The following CCDC30 variants were observed in gnomAD, a reference collection of about 807,000 sequenced individuals.
CCDC30 encodes the protein coiled-coil domain containing 30.
Under a neutral mutation model 100.2 loss-of-function variants are expected in CCDC30, and 70 were observed. The observed-to-expected ratio is 0.70, with a 90% CI of 0.58 to 0.85. The LOEUF is 0.85. Ranked by LOEUF, CCDC30 falls within the 40% of genes least tolerant of loss-of-function variation. The pLI, the probability that CCDC30 is intolerant of heterozygous loss-of-function variation, is 0.00. For missense variants in CCDC30, 652 were observed against 771.2 expected (o/e 0.85, Z 1.83); for synonymous variants, 233 against 269.5 (o/e 0.86, Z 1.33).
intron 6 of CCDC30, among the ~76,000 whole-genome samples, chr1:42,501,523 G>T (rs796460515): frequency 9.8e-5 from 15 of 152,360 alleles, no homozygotes; most frequent in African/African-American, 2.4e-4. Flanking sequence ...TGGAGGAGAA[G>T]AGGTGCTCTG....
At chr1:42,593,748 A>T (rs1001155078) in intron 10 of CCDC30, 1 of 152,554 alleles carries the variant, frequency 6.6e-6, no homozygotes, top group African/African-American at 2.4e-5. Flanking sequence ...GCGTGCCAGG[A>T]AATAGGACAA....
chr1:42,614,400 T>G (rs1043811090), intron 11 of CCDC30, among the ~76,000 whole-genome samples: 1 of 151,950 alleles, frequency 6.6e-6, no homozygotes, highest in Non-Finnish European at 1.5e-5. Context: ...AATTGAGATA[T>G]AATTTGCGTA....
In CCDC30 at chr1:42,653,964, TAA is replaced by T; in HGVS notation, c.2071_2072del (p.Asn691CysfsTer?). 1.2e-6 allele frequency: 2 copies of T among 1,614,118 alleles called. No individual in the cohort carries two copies. The highest frequency in any genetic ancestry group is 8.5e-7 in the Non-Finnish European group (1 of 1,179,976). On this transcript the variant is annotated frameshift_variant, in exon 17 of 17. Coordinates refer to ENST00000668663, the Ensembl canonical transcript of CCDC30. LOFTEE classifies it low-confidence loss of function (END_TRUNC). Reference sequence around the variant, plus strand: ...TCACAGAATTCTGAGGCTGGATACATAAATGTGGCTTCTCTGAAGGAGACACA... The same window carrying T: ...TCACAGAATTCTGAGGCTGGATACATATGTGGCTTCTCTGAAGGAGACACA...
chr1:42,620,564 G>A (rs1234742967), intron 11 of CCDC30, among the ~76,000 whole-genome samples: 1 of 149,570 alleles, frequency 6.7e-6, no homozygotes. Context: ...TTCAAAGTAT[G>A]TGGGACAATA....
chr1:42,474,600 ATTCAGTTAT>A (rs1643862622), intron 1 of CCDC30, among the ~76,000 whole-genome samples: 1 of 152,138 alleles, frequency 6.6e-6, no homozygotes, highest in Non-Finnish European at 1.5e-5. Flanking sequence ...CCAAAATGCA[ATTCAGTTAT>A]TTCGGTAGTC....
intron 15 of CCDC30, among the ~76,000 whole-genome samples, chr1:42,648,178 G>A (rs1197486146): frequency 6.6e-6 from 1 of 152,020 alleles, no homozygotes; most frequent in Non-Finnish European, 1.5e-5. Context: ...GACCTCAGGT[G>A]ATCCACCCGC....
At chr1:42,535,148 C>A (rs1420035685) in intron 6 of CCDC30, among the ~76,000 whole-genome samples, 1 of 152,088 alleles carries the variant, frequency 6.6e-6, no homozygotes, top group Non-Finnish European at 1.5e-5. Flanking sequence ...AAAACCTTGC[C>A]AGGAGTACTC....
At chr1:42,628,512 C>G (rs537240391) in intron 11 of CCDC30, among the ~76,000 whole-genome samples, 1 of 152,154 alleles carries the variant, frequency 6.6e-6, no homozygotes, top group African/African-American at 2.4e-5. Context: ...TTGTCCCCAC[C>G]CAAATCTTAT....
chr1:42,609,464 G>A (rs552910222), intron 10 of CCDC30, among the ~76,000 whole-genome samples: 9 of 152,252 alleles, frequency 5.9e-5, no homozygotes, highest in African/African-American at 1.7e-4. Flanking sequence ...AACTGTGTGG[G>A]GGGTCAGTGC....
chr1:42,520,343 T>A (rs1237577394), intron 6 of CCDC30, among the ~76,000 whole-genome samples: 2 of 151,840 alleles, frequency 1.3e-5, no homozygotes, highest in Non-Finnish European at 2.9e-5. Context: ...TTCTCTTTTT[T>A]TTTTTTGAGA....
Position 42,642,621 on chromosome 1 carries a change from C to G in CCDC30, c.1556+12C>G. 6.4e-7 allele frequency: 1 copy of G among 1,553,694 alleles called. No homozygotes were observed. The highest frequency in any genetic ancestry group is 8.7e-7 in the Non-Finnish European group (1 of 1,150,570). On this transcript the variant is annotated intron_variant, in intron 13 of 16. Coordinates refer to ENST00000668663, the Ensembl canonical transcript of CCDC30. Reference sequence around the variant, plus strand: ...TCCATCCAGAGCAGGTAGGTGCCATCCTGCCTGGGAGCCAATAAACTCCAC... The same window carrying G: ...TCCATCCAGAGCAGGTAGGTGCCATGCTGCCTGGGAGCCAATAAACTCCAC...
intron 11 of CCDC30, among the ~76,000 whole-genome samples, chr1:42,621,074 G>A (rs866798945): frequency 6.6e-6 from 1 of 152,142 alleles, no homozygotes; most frequent in Non-Finnish European, 1.5e-5. Context: ...ACAACCCAGA[G>A]CATAGATTCA....
chr1:42,578,285 C>T (rs1012232214), intron 8 of CCDC30, among the ~76,000 whole-genome samples: 16 of 152,160 alleles, frequency 1.1e-4, no homozygotes, highest in African/African-American at 3.9e-4. Context: ...TCTTACTATA[C>T]AATTCTATGT....
chr1:42,577,750 C>T (rs1645871249), intron 8 of CCDC30, among the ~76,000 whole-genome samples: 1 of 152,098 alleles, frequency 6.6e-6, no homozygotes, highest in South Asian at 2.1e-4. Flanking sequence ...ACGCCATTCT[C>T]CTGCCTCAGC....
At chr1:42,488,221 T>C (rs12121206) in intron 3 of CCDC30, among the ~76,000 whole-genome samples, 34,052 of 152,116 alleles carry the variant, frequency 0.22, 4,912 homozygotes, top group Non-Finnish European at 0.31. Context: ...AGTAAAACTC[T>C]TAATCTGGTA....
At chr1:42,498,771 C>T (rs1644265477) in intron 5 of CCDC30, 47 bp from the exon 6 acceptor site, 1 of 946,060 alleles carries the variant, frequency 1.1e-6, no homozygotes, top group African/African-American at 1.7e-5. Context: ...ATAATTTATC[C>T]AAACAAAAAT....
At chr1:42,494,521 A>G (rs2148471115) in intron 4 of CCDC30, among the ~76,000 whole-genome samples, 1 of 152,338 alleles carries the variant, frequency 6.6e-6, no homozygotes, top group East Asian at 1.9e-4. Flanking sequence ...TAATTAAACT[A>G]AAGAGCTTCT....
intron 6 of CCDC30, among the ~76,000 whole-genome samples, chr1:42,519,669 A>C (rs1644606247): frequency 6.6e-6 from 1 of 152,282 alleles, no homozygotes; most frequent in Non-Finnish European, 1.5e-5. Context: ...CTCCTGCCTC[A>C]GGCTCCCAAG....
intron 8 of CCDC30, among the ~76,000 whole-genome samples, chr1:42,577,799 C>T (rs1645872659): frequency 6.6e-6 from 1 of 152,014 alleles, no homozygotes; most frequent in African/African-American, 2.4e-5. Context: ...CACCACCACG[C>T]CCGGCTAATT....
Sources: gnomAD v4.1 joint callset for allele counts (sites outside exome capture counted in the v4.1 genomes callset) on GRCh38, gnomAD v4.1.1 for gene constraint, MANE v1.5 for transcripts, NCBI Gene and HGNC (gene_info 2026-07-23, HGNC 2026-07-21) for gene names.